Variants in MDGA1 observed in about 807,000 individuals in gnomAD.
The protein encoded by MDGA1 is MAM domain-containing glycosylphosphatidylinositol anchor protein 1.
MDGA1 carries 54 observed loss-of-function variants against 101.5 expected under a neutral mutation model. The observed-to-expected ratio is 0.53, with a 90% CI of 0.43 to 0.67. The LOEUF (loss-of-function observed/expected upper bound fraction) is 0.67. Ranked by LOEUF, MDGA1 falls within the 30% of genes least tolerant of loss-of-function variation. MDGA1 has a pLI of 0.00. For missense variants in MDGA1, 1,083 were observed against 1,323.8 expected (o/e 0.82, Z 2.82); for synonymous variants, 533 against 558.3 (o/e 0.95, Z 0.64).
intron 14 of MDGA1, among the ~76,000 whole-genome samples, chr6:37,642,870 A>C (rs1764123248): frequency 6.6e-6 from 1 of 152,166 alleles, no homozygotes; most frequent in Admixed American, 6.5e-5. Context: ...TCACTACAGC[A>C]CCTGATACCT....
At chr6:37,650,005 G>A (rs765634413) in intron 8 of MDGA1, 104 bp downstream of exon 8, 100 of 1,363,672 alleles carry the variant, frequency 7.3e-5, no homozygotes, top group Non-Finnish European at 8.8e-5. Context: ...GTAGCTGGTG[G>A]GGTTTGGTTG....
Position 37,664,092 on chromosome 6 carries a change from G to A in MDGA1, c.82C>T (p.Gln28Ter). 1 of 1,613,882 alleles carries A rather than the reference G, an allele frequency of 6.2e-7. No individual in the cohort carries two copies. The highest frequency in any genetic ancestry group is 8.5e-7 in the Non-Finnish European group (1 of 1,179,860). Residue 28 changes from glutamine (Q) to a stop codon, truncating the protein, a stop_gained, in exon 2 of 17, where the codon CAG becomes TAG. Coordinates refer to ENST00000434837, the MANE Select transcript of MDGA1 (RefSeq NM_153487.4). LOFTEE classifies it high-confidence loss of function. Reference sequence around the variant, plus strand: ...CATGCCTGGCCCGCATGCACGATCTGCGCCTGGGCTGGAGCTGGCAGGAGA... The same window carrying A: ...CATGCCTGGCCCGCATGCACGATCTACGCCTGGGCTGGAGCTGGCAGGAGA... The part of the protein sequence containing the change: ...GQGVYAPAQA[Q>*]IVHAGQACVV...
At position 37,655,642 on chromosome 6, in the gene MDGA1, C is replaced by T; in HGVS notation, c.579+58G>A. ...GTCCCAAAAACTCAGCCCCATGCCCCCCTCCCCTGTTGGATGCAGGAGAAG... is the reference window on the plus strand; with the variant it reads ...GTCCCAAAAACTCAGCCCCATGCCCTCCTCCCCTGTTGGATGCAGGAGAAG... On this transcript the variant is annotated intron_variant, in intron 4 of 16. Coordinates refer to ENST00000434837, the MANE Select transcript of MDGA1 (RefSeq NM_153487.4). This position sits in a 1 kb window ranked among gnomAD's most constrained non-coding sequence, Gnocchi z 5.1. 2 of 1,387,964 alleles carry T rather than the reference C, an allele frequency of 1.4e-6. No individual in the cohort carries two copies. Among genetic ancestry groups the T allele is most frequent in the Non-Finnish European group, 2.0e-6 (2 of 1,021,838 alleles). The allele number at this position is 1,387,964 out of a possible 1,614,324, so 86.0% of individuals were successfully genotyped here.
chr6:37,660,366 G>T (rs1470601097), intron 2 of MDGA1, among the ~76,000 whole-genome samples: 1 of 151,758 alleles, frequency 6.6e-6, no homozygotes, highest in Non-Finnish European at 1.5e-5. Flanking sequence ...ATTCCTTCTG[G>T]AATGCCTAAA....
intron 1 of MDGA1, among the ~76,000 whole-genome samples, chr6:37,678,822 T>A (rs927226687): frequency 1.4e-5 from 2 of 139,630 alleles, no homozygotes; most frequent in Non-Finnish European, 3.1e-5. Context: ...TCACGCTCAA[T>A]CCCTTTCCCT....
chr6:37,680,964 T>C (rs1235263969), intron 1 of MDGA1, among the ~76,000 whole-genome samples: 1 of 151,156 alleles, frequency 6.6e-6, no homozygotes, highest in Non-Finnish European at 1.5e-5. Context: ...CCTCCCTCCC[T>C]GTCCCCTACT....
intron 1 of MDGA1, among the ~76,000 whole-genome samples, chr6:37,668,773 T>C (rs1443813484): frequency 6.6e-6 from 1 of 152,214 alleles, no homozygotes; most frequent in Non-Finnish European, 1.5e-5. Context: ...CTAACACCGA[T>C]TGCCCTTGGG....
chr6:37,652,437 G>A lies in MDGA1; in HGVS notation c.983-97C>T. ...CAGACCCAGCTTCTCCCCTCTAGCT[G>A]GCCCTTCTGGGGATAGGGGGCTACA... On this transcript the variant is annotated intron_variant, in intron 6 of 16. Coordinates refer to ENST00000434837, the MANE Select transcript of MDGA1 (RefSeq NM_153487.4). The surrounding 1 kb of genome is among the most constrained non-coding windows in gnomAD (Gnocchi z 4.3). 3.5e-6 allele frequency: 3 copies of A among 865,612 alleles called. No homozygotes were observed. In the South Asian group the frequency reaches 5.3e-5, roughly 15 times the overall value. 53.6% of individuals were successfully genotyped at this position (865,612 alleles called of 1,614,324 possible). A position where few individuals can be genotyped will look rare whatever the true frequency, so the allele number is the denominator to read the frequency against.
At chr6:37,648,919 A>G (rs2114016023) in intron 9 of MDGA1, 63 bp downstream of exon 9, 1 of 1,509,202 alleles carries the variant, frequency 6.6e-7, no homozygotes, top group African/African-American at 1.4e-5. Context: ...CCGGGCTGGG[A>G]TTGGGGCAGA....
intron 2 of MDGA1, among the ~76,000 whole-genome samples, chr6:37,660,039 T>C (rs1761585532): frequency 1.3e-5 from 2 of 151,314 alleles, no homozygotes; most frequent in Admixed American, 6.6e-5. Context: ...TCTCTCTCTT[T>C]TTTTTTTTTT....
rs1488649926 is a variant in MDGA1 at position 37,638,653 on chromosome 6, G to A, written c.2551C>T (p.Leu851=). 1.2e-6 allele frequency: 2 copies of A among 1,613,190 alleles called. No individual in the cohort carries two copies. The highest frequency in any genetic ancestry group is 1.7e-6 in the Non-Finnish European group (2 of 1,179,638). Reference sequence around the variant, plus strand: ...GCCCCTTTGTTCCGGGACCGCACCAGGAGGTTGAGGGAGCCTGCGGTGGGT... The same window carrying A: ...GCCCCTTTGTTCCGGGACCGCACCAAGAGGTTGAGGGAGCCTGCGGTGGGT... ...YGKHIGSLNL[L]VRSRNKGALD... The change falls in exon 15 of 17, where the codon CTG becomes TTG. Residue 851 remains leucine (L), a synonymous_variant. Coordinates refer to ENST00000434837, the MANE Select transcript of MDGA1 (RefSeq NM_153487.4). This position sits in a 1 kb window ranked among gnomAD's most constrained non-coding sequence, Gnocchi z 4.8.
chr6:37,638,139 A>G lies in MDGA1; in HGVS notation c.2776+66T>C. Reference sequence around the variant, plus strand: ...AGACCCAAACACCCTCCCTCAACAGACAGGAACCCCCGCCACGCACAGCTC... The same window carrying G: ...AGACCCAAACACCCTCCCTCAACAGGCAGGAACCCCCGCCACGCACAGCTC... On this transcript the variant is annotated intron_variant, in intron 16 of 16. Coordinates refer to ENST00000434837, the MANE Select transcript of MDGA1 (RefSeq NM_153487.4). The surrounding 1 kb of genome is among the most constrained non-coding windows in gnomAD (Gnocchi z 4.8). 7.3e-7 allele frequency: 1 copy of G among 1,363,690 alleles called. No homozygotes were observed. The highest frequency in any genetic ancestry group is 1.0e-6 in the Non-Finnish European group (1 of 959,376). The allele number at this position is 1,363,690 out of a possible 1,614,324, so 84.5% of individuals were successfully genotyped here.
Position 37,669,965 on chromosome 6 carries a change from A to C in MDGA1, c.68-5859T>G, listed in dbSNP as rs548068067. 2.0e-5 allele frequency among the ~76,000 whole-genome samples: 3 copies of C among 152,296 alleles called. No homozygotes were observed. In the South Asian group the frequency reaches 6.2e-4, roughly 32 times the overall value. On this transcript the variant is annotated intron_variant, in intron 1 of 16. Transcript: ENST00000434837. ...TGACTCGAAAACAGGGAGATGTGAT[A>C]AGGAACCATGGGGAGAGGAAAGGTC...
chr6:37,648,841 G>C, intron 9 of MDGA1, 141 bp downstream of exon 9: 1 of 1,393,412 alleles, frequency 7.2e-7, no homozygotes, highest in Non-Finnish European at 9.3e-7. Context: ...GTCTTGGAAA[G>C]GCCGGGGCTA....
intron 1 of MDGA1, among the ~76,000 whole-genome samples, chr6:37,675,813 G>A (rs1290009387): frequency 6.6e-6 from 1 of 152,180 alleles, no homozygotes; most frequent in African/African-American, 2.4e-5. Context: ...AGCTCTGCTG[G>A]TCTTGGAGAC....
chr6:37,690,085 T>C (rs952956883), intron 1 of MDGA1, among the ~76,000 whole-genome samples: 1 of 152,240 alleles, frequency 6.6e-6, no homozygotes, highest in Non-Finnish European at 1.5e-5. Flanking sequence ...GCACTCCCCC[T>C]GGCTCATTCT....
intron 2 of MDGA1, among the ~76,000 whole-genome samples, chr6:37,660,986 T>C (rs1761610844): frequency 6.6e-6 from 1 of 152,206 alleles, no homozygotes; most frequent in Non-Finnish European, 1.5e-5. Flanking sequence ...TATTTGGATA[T>C]TGCAAAATAC....
At chr6:37,675,193 G>A (rs368909430) in intron 1 of MDGA1, among the ~76,000 whole-genome samples, 2 of 152,160 alleles carry the variant, frequency 1.3e-5, no homozygotes, top group Non-Finnish European at 2.9e-5. Context: ...GCTGCTCAAC[G>A]GCATAGGGTG....
rs1383574503 is a variant in MDGA1 at position 37,632,216 on chromosome 6, G to C, written c.*5152C>G. The C allele has an allele frequency of 1.3e-5, 2 of 152,032 alleles. No individual in the cohort carries two copies. Among genetic ancestry groups the C allele is most frequent in the East Asian group, 3.8e-4 (2 of 5,202 alleles). 9.4% of individuals were successfully genotyped at this position (152,032 alleles called of 1,614,324 possible). A position where few individuals can be genotyped will look rare whatever the true frequency, so the allele number is the denominator to read the frequency against. ...CCAATTTCCCTTCCCAGCCCTCACT[G>C]TACACATCATTATATATGTCTTGGT... On this transcript the variant is annotated 3_prime_UTR_variant, in exon 17 of 17. Transcript: ENST00000434837.
Sources: allele counts gnomAD v4.1 joint callset (sites outside exome capture counted in the v4.1 genomes callset), GRCh38; gene constraint gnomAD v4.1.1; non-coding constraint Gnocchi (gnomAD v3.1); transcripts MANE v1.5; gene names NCBI Gene and HGNC (gene_info 2026-07-23, HGNC 2026-07-21).